Variants in SIK2 observed in about 807,000 individuals in gnomAD.
SIK2 encodes salt inducible kinase 2, also known as serine/threonine-protein kinase SIK2.
SIK2 carries 29 observed loss-of-function variants against 103.2 expected under a neutral mutation model. That is an observed-to-expected ratio of 0.28 (90% CI 0.21 to 0.38). SIK2 has a LOEUF of 0.38. Among genes scored for constraint, SIK2 ranks in the 10% least tolerant of loss-of-function variants. SIK2 has a pLI of 1.00. For missense variants in SIK2, 879 were observed against 1,171.0 expected, an observed-to-expected ratio of 0.75 and a Z score of 3.64; for synonymous variants, 412 against 446.1, an observed-to-expected ratio of 0.92 and a Z score of 0.96.
At chr11:111,656,568 CATT>C (rs1209445820) in intron 3 of SIK2, among the ~76,000 whole-genome samples, 1 of 152,124 alleles carries the variant, frequency 6.6e-6, no homozygotes, top group Non-Finnish European at 1.5e-5. Context: ...TAGAGAAACT[CATT>C]AAGGTTAATG....
rs147842867 is a variant in SIK2, at chr11:111,708,537, G to A, written c.1101+3398G>A. 3.3e-5 allele frequency among the ~76,000 whole-genome samples: 5 copies of A among 152,188 alleles called. No homozygotes were observed. The East Asian group carries it at 7.7e-4, about 23-fold the overall frequency. On this transcript the variant is annotated intron_variant, in intron 8 of 14. Coordinates refer to ENST00000304987, the MANE Select transcript of SIK2 (RefSeq NM_015191.3). ...AGTTGAGACTATTTAGAAAAAATAC[G>A]TCATATTTTTTTCTCATACATTCTA... is the stretch of plus-strand genomic sequence containing the variant.
chr11:111,722,563 T>C lies in SIK2; in HGVS notation c.2056-102T>C. The C allele has an allele frequency of 1.8e-6, 2 of 1,109,668 alleles. No homozygotes were observed. The highest frequency in any genetic ancestry group is 2.6e-6 in the Non-Finnish European group (2 of 755,372). 68.7% of individuals were successfully genotyped at this position (1,109,668 alleles called of 1,614,324 possible). On this transcript the variant is annotated intron_variant, in intron 13 of 14. Transcript: ENST00000304987. This position sits in a 1 kb window ranked among gnomAD's most constrained non-coding sequence, Gnocchi z 4.4. ...GTCCCTTCACCCCGTGTGGATTCTG[T>C]AGAATGCAGTTAGATTCATCCTGCA... is the stretch of plus-strand genomic sequence containing the variant.
rs1339280924 is a variant in SIK2, at chr11:111,728,733, C to CCTGG, written c.*4606_*4607insGGCT. 11 of 152,178 alleles carry CCTGG rather than the reference C, an allele frequency of 7.2e-5. No individual in the cohort carries two copies. Among genetic ancestry groups the CCTGG allele is most frequent in the Middle Eastern group, 3.4e-3 (1 of 294 alleles). 9.4% of individuals were successfully genotyped at this position (152,178 alleles called of 1,614,324 possible). On this transcript the variant is annotated 3_prime_UTR_variant, in exon 15 of 15. Transcript: ENST00000304987. Reference sequence around the variant, plus strand: ...CACGAGGTCAGGAGATTGAGACCATCCTAACACAGTGAAACGCCGTCTCTA... The same window carrying CCTGG: ...CACGAGGTCAGGAGATTGAGACCATCCTGGCTAACACAGTGAAACGCCGTCTCTA...
At chr11:111,614,811 T>C (rs1040707568) in intron 1 of SIK2, among the ~76,000 whole-genome samples, 2 of 152,168 alleles carry the variant, frequency 1.3e-5, no homozygotes, top group Non-Finnish European at 1.5e-5. Flanking sequence ...TTGGAAGCAT[T>C]GAGCTGTCAT....
chr11:111,705,052 A>G lies in SIK2; in HGVS notation c.1014A>G (p.Lys338=). Residue 338 remains lysine (K), a synonymous_variant, in exon 8 of 15, where the codon AAA becomes AAG. Coordinates refer to ENST00000304987, the MANE Select transcript of SIK2 (RefSeq NM_015191.3). The surrounding 1 kb of genome is among the most constrained non-coding windows in gnomAD (Gnocchi z 4.3). The stretch of plus-strand genomic sequence containing the variant: ...ATTTCTTGTTGGTGGAGCGCCTGAA[A>G]TCACATCGGAGCAGTTTCCCAGTGG... ...AIYFLLVERL[K]SHRSSFPVEQ... is the part of the protein sequence containing the mutation. The G allele has an allele frequency of 6.2e-7, 1 of 1,611,582 alleles. No homozygotes were observed.
intron 3 of SIK2, among the ~76,000 whole-genome samples, chr11:111,644,014 G>C (rs942866900): frequency 1.7e-4 from 26 of 151,748 alleles, no homozygotes; most frequent in African/African-American, 6.0e-4. Flanking sequence ...GAGGCCAGGC[G>C]TGGTGGCTAA....
rs1420965524 is a variant in SIK2 at position 111,643,538 on chromosome 11, C to T, written c.316+23136C>T. On this transcript the variant is annotated intron_variant, in intron 3 of 14. Transcript: ENST00000304987. ...TCATTGCAAATGTATAGGCTGGGCA[C>T]GGTGGCTCACGCCTGTAATCCCAAC... 7.9e-5 allele frequency among the ~76,000 whole-genome samples: 12 copies of T among 152,106 alleles called. No individual in the cohort carries two copies. The East Asian group carries it at 1.9e-3, about 24-fold the overall frequency.
chr11:111,623,356 G>A (rs753584551), intron 3 of SIK2, among the ~76,000 whole-genome samples: 1 of 152,118 alleles, frequency 6.6e-6, no homozygotes, highest in African/African-American at 2.4e-5. Flanking sequence ...TTCTAGGTTG[G>A]TTTTGATTGG....
rs779963496 is a variant in SIK2 at position 111,730,705 on chromosome 11, T to G, written c.*6576T>G. The G allele has an allele frequency of 2.0e-5, 3 of 152,156 alleles. No homozygotes were observed. The highest frequency in any genetic ancestry group is 4.4e-5 in the Non-Finnish European group (3 of 68,034). 9.4% of individuals were successfully genotyped at this position (152,156 alleles called of 1,614,324 possible). On this transcript the variant is annotated 3_prime_UTR_variant, in exon 15 of 15. Coordinates refer to ENST00000304987, the MANE Select transcript of SIK2 (RefSeq NM_015191.3). Reference sequence around the variant, plus strand: ...AAAAATCAAAAGTATAACTTGTCACTTAATGTTAGAAAATTGCCTAAAATG... The same window carrying G: ...AAAAATCAAAAGTATAACTTGTCACGTAATGTTAGAAAATTGCCTAAAATG...
chr11:111,694,140 A>T (rs147983928), intron 4 of SIK2, among the ~76,000 whole-genome samples: 2 of 152,344 alleles, frequency 1.3e-5, no homozygotes, highest in South Asian at 2.1e-4. Context: ...CACTCAATAC[A>T]AGGTAGCTAT....
chr11:111,721,086 C>T, intron 12 of SIK2, 24 bp downstream of exon 12: 1 of 1,598,272 alleles, frequency 6.3e-7, no homozygotes, highest in East Asian at 2.2e-5. Context: ...GCCCTTCCCT[C>T]AATGGCTCTG....
chr11:111,722,837 T>A lies in SIK2; in HGVS notation c.2147+81T>A. ...CACTGAATGTGTTGTCCTTTTCCTCTCACATTCGCCACTACTAGGAAAATA... is the reference window on the plus strand; with the variant it reads ...CACTGAATGTGTTGTCCTTTTCCTCACACATTCGCCACTACTAGGAAAATA... On this transcript the variant is annotated intron_variant, in intron 14 of 14. Coordinates refer to ENST00000304987, the MANE Select transcript of SIK2 (RefSeq NM_015191.3). This position sits in a 1 kb window ranked among gnomAD's most constrained non-coding sequence, Gnocchi z 4.4. 1 of 1,326,998 alleles carries A rather than the reference T, an allele frequency of 7.5e-7. No homozygotes were observed. The highest frequency in any genetic ancestry group is 1.1e-6 in the Non-Finnish European group (1 of 936,670). 82.2% of individuals were successfully genotyped at this position (1,326,998 alleles called of 1,614,324 possible). A position where few individuals can be genotyped will look rare whatever the true frequency, so the allele number is the denominator to read the frequency against.
In SIK2 at chr11:111,705,053, T is replaced by C; in HGVS notation, c.1015T>C (p.Ser339Pro). Reference protein sequence around the residue: ...IYFLLVERLKSHRSSFPVEQR... With the variant: ...IYFLLVERLKPHRSSFPVEQR... ...TTTCTTGTTGGTGGAGCGCCTGAAA[T>C]CACATCGGAGCAGTTTCCCAGTGGA... Residue 339 changes from serine (S) to proline (P), a missense_variant, in exon 8 of 15, where the codon TCA becomes CCA. Ser to Pro is a moderately conservative substitution (Grantham distance 74, BLOSUM62 -1). Transcript: ENST00000304987. The surrounding 1 kb of genome is among the most constrained non-coding windows in gnomAD (Gnocchi z 4.3). The C allele has an allele frequency of 6.2e-7, 1 of 1,611,842 alleles. No individual in the cohort carries two copies. The highest frequency in any genetic ancestry group is 1.7e-5 in the Admixed American group (1 of 59,476).
intron 3 of SIK2, among the ~76,000 whole-genome samples, chr11:111,678,757 A>G (rs1342234269): frequency 6.6e-6 from 1 of 152,236 alleles, no homozygotes; most frequent in Non-Finnish European, 1.5e-5. Context: ...TGCAGACAGC[A>G]TGATATTCTT....
At chr11:111,675,878 C>T (rs975877451) in intron 3 of SIK2, among the ~76,000 whole-genome samples, 2 of 152,170 alleles carry the variant, frequency 1.3e-5, no homozygotes, top group African/African-American at 4.8e-5. Context: ...ACCTGTTAGG[C>T]CATCTTTCAA....
intron 7 of SIK2, 130 bp from the exon 8 acceptor site, chr11:111,704,857 C>T (rs1339789175): frequency 9.3e-7 from 1 of 1,073,346 alleles, no homozygotes; most frequent in Non-Finnish European, 1.3e-6. Context: ...CAGCTTTCAT[C>T]TTGAGACACT....
Position 111,720,666 on chromosome 11 carries a change from A to G in SIK2, c.1684A>G (p.Met562Val). Reference sequence around the variant, plus strand: ...AAGCCTGAGACCTACCAACCCAGCCATGCAGGCTCTGAGCTCCCAGAAACG... The same window carrying G: ...AAGCCTGAGACCTACCAACCCAGCCGTGCAGGCTCTGAGCTCCCAGAAACG... ...FISLRPTNPA[M>V]QALSSQKREV... is the part of the protein sequence containing the mutation. The change falls in exon 11 of 15, where the codon ATG (methionine) becomes GTG (valine). Residue 562 changes from methionine to valine, a missense_variant. Met to Val is a conservative substitution (Grantham distance 21). This residue lies in a region of SIK2 where 222 missense variants were observed against 258.0 expected (regional missense o/e 0.86). Coordinates refer to ENST00000304987, the MANE Select transcript of SIK2 (RefSeq NM_015191.3). The G allele has an allele frequency of 6.2e-7, 1 of 1,614,070 alleles. No individual in the cohort carries two copies. The highest frequency in any genetic ancestry group is 8.5e-7 in the Non-Finnish European group (1 of 1,179,996).
At chr11:111,653,546 G>A (rs1942354485) in intron 3 of SIK2, among the ~76,000 whole-genome samples, 1 of 152,218 alleles carries the variant, frequency 6.6e-6, no homozygotes, top group Non-Finnish European at 1.5e-5. Context: ...GACTACTTCA[G>A]AGAGAGGTTC....
chr11:111,660,441 A>C (rs1942452587), intron 3 of SIK2, among the ~76,000 whole-genome samples: 1 of 152,232 alleles, frequency 6.6e-6, no homozygotes, highest in Non-Finnish European at 1.5e-5. Context: ...GTACCTGTGT[A>C]GTATATATTA....
Sources: allele counts gnomAD v4.1 joint callset (sites outside exome capture counted in the v4.1 genomes callset), GRCh38; gene constraint gnomAD v4.1.1; regional missense constraint gnomAD v4.1.1; non-coding constraint Gnocchi (gnomAD v3.1); transcripts MANE v1.5; gene names NCBI Gene and HGNC (gene_info 2026-07-23, HGNC 2026-07-21).